Variants in PCDH9 observed in about 807,000 individuals in gnomAD.
PCDH9 encodes the protein protocadherin-9.
In PCDH9, 24 loss-of-function variants were observed where a neutral mutation model predicts 70.6. The ratio of observed to expected loss-of-function variants is 0.34; its 90% CI spans 0.25 to 0.48. The LOEUF (loss-of-function observed/expected upper bound fraction) is 0.48. Among genes scored for constraint, PCDH9 ranks in the 20% least tolerant of loss-of-function variants. The pLI, the probability that PCDH9 is intolerant of heterozygous loss-of-function variation, is 0.99. For missense variants in PCDH9, 1,281 were observed against 1,503.6 expected, an observed-to-expected ratio of 0.85 and a Z score of 2.45; for synonymous variants, 562 against 558.5, an observed-to-expected ratio of 1.01 and a Z score of -0.09.
At chr13:67,145,158 G>A (rs891717511) in intron 2 of PCDH9, among the ~76,000 whole-genome samples, 6 of 151,998 alleles carry the variant, frequency 3.9e-5, no homozygotes, top group Non-Finnish European at 8.8e-5. Context: ...AATACAATGC[G>A]ATGATGACAG....
intron 2 of PCDH9, among the ~76,000 whole-genome samples, chr13:67,150,100 C>T (rs948307387): frequency 3.3e-5 from 5 of 152,128 alleles, no homozygotes; most frequent in African/African-American, 1.2e-4. Context: ...GGCTGACGTG[C>T]AGTGCTCCGT....
At chr13:66,482,510 A>G (rs1005588044) in intron 4 of PCDH9, among the ~76,000 whole-genome samples, 1 of 152,178 alleles carries the variant, frequency 6.6e-6, no homozygotes, top group African/African-American at 2.4e-5. Flanking sequence ...GTGTCTCAAA[A>G]AATAGAATCA....
chr13:66,705,579 A>C (rs1340517747), intron 3 of PCDH9, among the ~76,000 whole-genome samples: 1 of 152,182 alleles, frequency 6.6e-6, no homozygotes, highest in Non-Finnish European at 1.5e-5. Context: ...TCCATAAATA[A>C]ATTTATGTTT....
chr13:66,916,782 T>C (rs1243608167), intron 2 of PCDH9, among the ~76,000 whole-genome samples: 1 of 151,510 alleles, frequency 6.6e-6, no homozygotes, highest in African/African-American at 2.4e-5. Context: ...TTCCTATTCC[T>C]TAGTGAGCTC....
intron 3 of PCDH9, among the ~76,000 whole-genome samples, chr13:66,685,912 T>G (rs1362356802): frequency 6.6e-6 from 1 of 152,212 alleles, no homozygotes; most frequent in Non-Finnish European, 1.5e-5. Flanking sequence ...CTTCATTGTA[T>G]CTAGGAAGTA....
chr13:67,129,507 T>C (rs1363864658), intron 2 of PCDH9, among the ~76,000 whole-genome samples: 2 of 152,142 alleles, frequency 1.3e-5, no homozygotes, highest in Non-Finnish European at 2.9e-5. Flanking sequence ...TTTTGTACCA[T>C]GTGAATTTAT....
intron 2 of PCDH9, among the ~76,000 whole-genome samples, chr13:67,028,431 G>A (rs1022511146): frequency 9.7e-6 from 1 of 102,922 alleles, no homozygotes; most frequent in South Asian, 4.3e-4. Flanking sequence ...GGTGGGGGGA[G>A]GGGGGAGGGA....
intron 4 of PCDH9, among the ~76,000 whole-genome samples, chr13:66,466,645 G>A (rs1374001817): frequency 6.6e-6 from 1 of 151,992 alleles, no homozygotes; most frequent in African/African-American, 2.4e-5. Flanking sequence ...CTTCCATCAC[G>A]TTAATTTATT....
chr13:66,326,409 A>C (rs532198954), intron 4 of PCDH9, among the ~76,000 whole-genome samples: 2 of 151,460 alleles, frequency 1.3e-5, no homozygotes, highest in East Asian at 1.9e-4. Context: ...AAAAAAAAAA[A>C]AAAACAACGA....
intron 3 of PCDH9, among the ~76,000 whole-genome samples, chr13:66,789,290 C>T (rs1319738038): frequency 6.6e-6 from 1 of 152,096 alleles, no homozygotes; most frequent in Admixed American, 6.6e-5. Flanking sequence ...TAACCAGCAC[C>T]CTTTCACCTC....
intron 3 of PCDH9, among the ~76,000 whole-genome samples, chr13:66,749,634 G>A (rs1170834540): frequency 6.6e-6 from 1 of 152,092 alleles, no homozygotes; most frequent in African/African-American, 2.4e-5. Context: ...CCAGAATTTA[G>A]AAAAAGTCTC....
chr13:66,558,332 T>C (rs1961836115), intron 4 of PCDH9, among the ~76,000 whole-genome samples: 1 of 152,174 alleles, frequency 6.6e-6, no homozygotes, highest in Non-Finnish European at 1.5e-5. Flanking sequence ...AAAAGCCTTT[T>C]ATGACATGAA....
chr13:66,436,249 T>C (rs1057019309), intron 4 of PCDH9, among the ~76,000 whole-genome samples: 2 of 152,142 alleles, frequency 1.3e-5, no homozygotes, highest in Non-Finnish European at 2.9e-5. Context: ...GTTTGAATAA[T>C]GTGTTTTAAA....
At chr13:67,193,332 A>AACACACACAC (rs71110637) in intron 2 of PCDH9, among the ~76,000 whole-genome samples, 2 of 141,954 alleles carry the variant, frequency 1.4e-5, no homozygotes, top group South Asian at 2.2e-4. Context: ...TGGAGATTAA[A>AACACACACAC]ACACACACAC....
At chr13:66,387,634 C>T (rs1956951677) in intron 4 of PCDH9, among the ~76,000 whole-genome samples, 1 of 151,858 alleles carries the variant, frequency 6.6e-6, no homozygotes, top group African/African-American at 2.4e-5. Flanking sequence ...TCCCTGTTGC[C>T]TTCGCCTTCT....
intron 3 of PCDH9, among the ~76,000 whole-genome samples, chr13:66,748,842 C>T (rs1456425013): frequency 1.3e-5 from 2 of 152,036 alleles, no homozygotes; most frequent in South Asian, 4.1e-4. Context: ...GCTCTGTGTC[C>T]CCACCCAAAT....
At chr13:66,404,302 C>A (rs2138304666) in intron 4 of PCDH9, among the ~76,000 whole-genome samples, 1 of 152,020 alleles carries the variant, frequency 6.6e-6, no homozygotes, top group South Asian at 2.1e-4. Context: ...AACAATAAAG[C>A]AAAGAAATTA....
chr13:66,800,673 C>T (rs2080312560), intron 3 of PCDH9, among the ~76,000 whole-genome samples: 1 of 152,160 alleles, frequency 6.6e-6, no homozygotes, highest in Admixed American at 6.6e-5. Flanking sequence ...AGATGTCTCA[C>T]TTGCATACTG....
chr13:66,902,185 A>T (rs2082286778), intron 3 of PCDH9, among the ~76,000 whole-genome samples: 1 of 151,658 alleles, frequency 6.6e-6, no homozygotes, highest in African/African-American at 2.4e-5. Flanking sequence ...TAGGCTTTGG[A>T]TAAAAAAAGA....
Sources: gnomAD v4.1 joint callset for allele counts (sites outside exome capture counted in the v4.1 genomes callset) on GRCh38, gnomAD v4.1.1 for gene constraint, MANE v1.5 for transcripts, NCBI Gene and HGNC (gene_info 2026-07-23, HGNC 2026-07-21) for gene names.